The following DIXDC1 variants were observed in gnomAD, a reference collection of about 807,000 sequenced individuals.
DIXDC1 encodes the protein DIX domain containing 1.
In DIXDC1, 64 loss-of-function variants were observed where a neutral mutation model predicts 103.1. The observed-to-expected ratio is 0.62, with a 90% CI of 0.51 to 0.76. The LOEUF (loss-of-function observed/expected upper bound fraction) is 0.76. Ranked by LOEUF, DIXDC1 falls within the 30% of genes least tolerant of loss-of-function variation. The pLI, the probability that DIXDC1 is intolerant of heterozygous loss-of-function variation, is 0.00. For synonymous variants in DIXDC1, 266 were observed against 298.5 expected, an observed-to-expected ratio of 0.89 and a Z score of 1.12; for missense variants, 759 against 834.2, an observed-to-expected ratio of 0.91 and a Z score of 1.11.
intron 5 of DIXDC1, chr11:111,975,755 C>T (rs1860076601): frequency 1.0e-6 from 1 of 985,314 alleles, no homozygotes; most frequent in Non-Finnish European, 1.2e-6. Context: ...GCTAATTGTT[C>T]CTTGTCTTGT....
At position 111,929,783 on chromosome 11, in the gene DIXDC1, G is replaced by T; in HGVS notation, c.-36-35G>T. 8 of 1,373,788 alleles carry T rather than the reference G, an allele frequency of 5.8e-6. No individual in the cohort carries two copies. The Admixed American group carries it at 9.6e-5, about 16-fold the overall frequency. 85.1% of individuals were successfully genotyped at this position (1,373,788 alleles called of 1,614,324 possible). On this transcript the variant is annotated intron_variant, in intron 1 of 5. Coordinates refer to the DIXDC1 transcript ENST00000529225. ...CTTTAAATTTTTTTTTTCCTGGCTT[G>T]TTATTTTGTACATTTCTTATTCTTC...
intron 5 of DIXDC1, chr11:111,975,720 C>T (rs1458163929): frequency 1.0e-6 from 1 of 985,342 alleles, no homozygotes; most frequent in East Asian, 1.1e-4. Flanking sequence ...CCTATCCCAA[C>T]CCTGTGTAAT....
At chr11:111,993,901 C>G (rs904137285) in intron 14 of DIXDC1, among the ~76,000 whole-genome samples, 161 bp downstream of exon 14, 2 of 152,174 alleles carry the variant, frequency 1.3e-5, no homozygotes, top group African/African-American at 4.8e-5. Flanking sequence ...TCTGGTTTCA[C>G]GTTCCACCTT....
At chr11:111,961,974 T>C (rs1461862328) in intron 1 of DIXDC1, among the ~76,000 whole-genome samples, 1 of 152,204 alleles carries the variant, frequency 6.6e-6, no homozygotes, top group East Asian at 1.9e-4. Flanking sequence ...GTTGGGCTAA[T>C]ACTCTGTTAG....
At chr11:111,966,442 G>T (rs1210626642) in intron 2 of DIXDC1, among the ~76,000 whole-genome samples, 1 of 130,378 alleles carries the variant, frequency 7.7e-6, no homozygotes. Flanking sequence ...CTCGCTCTGT[G>T]GCCCAGGCGG....
rs971795187 is a variant in DIXDC1 at position 112,022,514 on chromosome 11, G to A, written c.*3478G>A. On this transcript the variant is annotated 3_prime_UTR_variant, in exon 20 of 20. Transcript: ENST00000440460. This position sits in a 1 kb window ranked among gnomAD's most constrained non-coding sequence, Gnocchi z 4.9. ...AAAGTGATAACCAGTTTTAACTGCC[G>A]GTATGTACCAGATTTGTGAACTAAT... 2.0e-5 allele frequency: 3 copies of A among 152,670 alleles called. No homozygotes were observed. Among genetic ancestry groups the A allele is most frequent in the East Asian group, 1.9e-4 (1 of 5,190 alleles). The allele number at this position is 152,670 out of a possible 1,614,324, so 9.5% of individuals were successfully genotyped here. A position where few individuals can be genotyped will look rare whatever the true frequency, so the allele number is the denominator to read the frequency against.
At chr11:112,002,183 G>A (rs1861089261) in intron 17 of DIXDC1, among the ~76,000 whole-genome samples, 2 of 151,876 alleles carry the variant, frequency 1.3e-5, no homozygotes, top group Admixed American at 1.3e-4. Context: ...TGAAAATGTT[G>A]GTTGTGACAG....
At chr11:111,987,017 G>A (rs1860515211) in intron 9 of DIXDC1, 93 bp downstream of exon 9, 18 of 977,640 alleles carry the variant, frequency 1.8e-5, no homozygotes, top group Non-Finnish European at 2.7e-5. Flanking sequence ...TTGAGAGGCC[G>A]AGGCGGGCAG....
At chr11:111,946,807 C>T (rs1555169436) in intron 1 of DIXDC1, 1 of 462,912 alleles carries the variant, frequency 2.2e-6, no homozygotes, top group African/African-American at 2.0e-5. Context: ...GTAAACAGTT[C>T]TGTGAACAGG....
intron 1 of DIXDC1, among the ~76,000 whole-genome samples, chr11:111,955,549 T>A (rs1368635169): frequency 6.6e-6 from 1 of 151,808 alleles, no homozygotes; most frequent in Non-Finnish European, 1.5e-5. Flanking sequence ...GAAATCAAGA[T>A]CTTGGCCCGG....
chr11:111,975,162 G>A (rs1860057557), intron 5 of DIXDC1, 179 bp downstream of exon 5: 1 of 1,406,410 alleles, frequency 7.1e-7, no homozygotes, highest in South Asian at 1.5e-5. Flanking sequence ...GGGTAGGAAG[G>A]TAGGGTGGGG....
At chr11:112,013,454 CTAATT>C (rs1861493678) in intron 17 of DIXDC1, among the ~76,000 whole-genome samples, 1 of 151,768 alleles carries the variant, frequency 6.6e-6, no homozygotes, top group African/African-American at 2.4e-5. Flanking sequence ...GGGATTATAT[CTAATT>C]TATTTGTGTA....
At chr11:111,954,176 C>T (rs1966867842) in intron 1 of DIXDC1, among the ~76,000 whole-genome samples, 1 of 151,450 alleles carries the variant, frequency 6.6e-6, no homozygotes, top group Admixed American at 6.6e-5. Context: ...CAGTGGGAGC[C>T]CTGAGCTTGT....
At chr11:112,018,924 T>C in intron 19 of DIXDC1, 32 bp from the exon 20 acceptor site, 1 of 1,593,776 alleles carries the variant, frequency 6.3e-7, no homozygotes, top group Non-Finnish European at 8.6e-7. Context: ...ATTCCCTGTT[T>C]TTTCACTGTG....
At chr11:111,931,559 C>T (rs587667291) in intron 2 of DIXDC1, among the ~76,000 whole-genome samples, 1 of 152,288 alleles carries the variant, frequency 6.6e-6, no homozygotes, top group Non-Finnish European at 1.5e-5. Flanking sequence ...AGGAGAATCA[C>T]TTGAACCCGG....
At chr11:111,939,606 T>C (rs587768383) in intron 1 of DIXDC1, among the ~76,000 whole-genome samples, 2 of 152,208 alleles carry the variant, frequency 1.3e-5, no homozygotes, top group Non-Finnish European at 2.9e-5. Flanking sequence ...CTCTGAAAAA[T>C]TGACATCATC....
intron 8 of DIXDC1, among the ~76,000 whole-genome samples, chr11:111,985,669 C>G (rs1860465011): frequency 6.6e-6 from 1 of 152,014 alleles, no homozygotes; most frequent in Admixed American, 6.6e-5. Context: ...AGTCTAGGCC[C>G]TCATGTGTCT....
intron 1 of DIXDC1, among the ~76,000 whole-genome samples, chr11:111,941,874 C>CACACACA (rs1555168899): frequency 1.8e-5 from 2 of 112,814 alleles, no homozygotes; most frequent in African/African-American, 7.4e-5. Flanking sequence ...ACACACACAC[C>CACACACA]CACGAAGAGT....
chr11:111,973,118 C>G (rs1367483455), intron 3 of DIXDC1, among the ~76,000 whole-genome samples: 1 of 151,580 alleles, frequency 6.6e-6, no homozygotes. Flanking sequence ...CGCCTGTAAT[C>G]CCAGCACTTT....
Sources: allele counts gnomAD v4.1 joint callset (sites outside exome capture counted in the v4.1 genomes callset), GRCh38; gene constraint gnomAD v4.1.1; non-coding constraint Gnocchi (gnomAD v3.1); transcripts MANE v1.5; gene names NCBI Gene and HGNC (gene_info 2026-07-23, HGNC 2026-07-21).